NCAM2: variants seen among roughly 807,000 people sequenced by gnomAD.
The protein encoded by NCAM2 is N-CAM-2.
In NCAM2, 30 loss-of-function variants were observed where a neutral mutation model predicts 98.1. The observed-to-expected ratio is 0.31, with a 90% confidence interval of 0.23 to 0.41. The LOEUF is 0.41. Ranked by LOEUF, NCAM2 falls within the 10% of genes least tolerant of loss-of-function variation. The pLI is 1.00. For missense variants in NCAM2, 867 were observed against 1,005.8 expected, an observed-to-expected ratio of 0.86 and a Z score of 1.87; for synonymous variants, 368 against 342.4, an observed-to-expected ratio of 1.07 and a Z score of -0.83.
At position 21,542,148 on chromosome 21, in the gene NCAM2, A is replaced by G. The variant is rs1488215011; in HGVS notation, c.*4191A>G. 1 of 151,868 alleles carries G rather than the reference A, an allele frequency of 6.6e-6. No homozygotes were observed. Among genetic ancestry groups the G allele is most frequent in the East Asian group, 1.9e-4 (1 of 5,186 alleles). The allele number at this position is 151,868 out of a possible 1,614,324, so 9.4% of individuals were successfully genotyped here. ...TAAGATGAAACAATTTTATGTCCAA[A>G]TGAGAAATTTATAAAAAGACCCACA... On this transcript the variant is annotated 3_prime_UTR_variant, in exon 18 of 18. Transcript: ENST00000400546.
intron 1 of NCAM2, among the ~76,000 whole-genome samples, chr21:21,091,153 A>T (rs1486966768): frequency 6.6e-6 from 1 of 152,154 alleles, no homozygotes; most frequent in East Asian, 1.9e-4. Flanking sequence ...TGCATGAATG[A>T]ATGATATCCA....
chr21:21,297,720 C>A (rs1032212759), intron 5 of NCAM2, among the ~76,000 whole-genome samples: 1 of 124,426 alleles, frequency 8.0e-6, no homozygotes, highest in East Asian at 2.1e-4. Flanking sequence ...TTAAATAATA[C>A]ACACTGTACT....
intron 1 of NCAM2, among the ~76,000 whole-genome samples, chr21:21,121,014 C>A (rs2066663644): frequency 6.6e-6 from 1 of 152,098 alleles, no homozygotes; most frequent in Admixed American, 6.5e-5. Flanking sequence ...CCGCGCCCGG[C>A]CATGGATGTT....
chr21:21,260,790 T>C (rs2071866687), intron 1 of NCAM2, among the ~76,000 whole-genome samples: 1 of 152,056 alleles, frequency 6.6e-6, no homozygotes, highest in South Asian at 2.1e-4. Flanking sequence ...GTAAATCCAT[T>C]ACATGACTGA....
intron 1 of NCAM2, among the ~76,000 whole-genome samples, chr21:21,121,513 T>TTTAA (rs2066674165): frequency 6.6e-6 from 1 of 152,190 alleles, no homozygotes; most frequent in Non-Finnish European, 1.5e-5. Context: ...TGAATTGGGC[T>TTTAA]CTAATTATGA....
chr21:21,540,925 A>G lies in NCAM2; in HGVS notation c.*2968A>G, dbSNP rs1416555922. 6.6e-6 allele frequency: 1 copy of G among 151,880 alleles called. No homozygotes were observed. The highest frequency in any genetic ancestry group is 2.4e-5 in the African/African-American group (1 of 41,432). 9.4% of individuals were successfully genotyped at this position (151,880 alleles called of 1,614,324 possible). A position where few individuals can be genotyped will look rare whatever the true frequency, so the allele number is the denominator to read the frequency against. ...AGGAATTTAAGAATTGTATTTTTAA[A>G]GATTTATTTATTATTTTTGTGGGCT... On this transcript the variant is annotated 3_prime_UTR_variant, in exon 18 of 18. Coordinates refer to ENST00000400546, the MANE Select transcript of NCAM2 (RefSeq NM_004540.5).
intron 15 of NCAM2, among the ~76,000 whole-genome samples, chr21:21,482,230 GC>G (rs757283001): frequency 6.6e-6 from 1 of 152,080 alleles, no homozygotes; most frequent in Non-Finnish European, 1.5e-5. Context: ...GTTTTGTGAG[GC>G]AATTTTAAAG....
intron 1 of NCAM2, among the ~76,000 whole-genome samples, chr21:21,008,923 A>G (rs2064156995): frequency 6.6e-6 from 1 of 152,156 alleles, no homozygotes; most frequent in South Asian, 2.1e-4. Flanking sequence ...TGTATCAGTC[A>G]TTGTTAAAGG....
At chr21:21,400,386 GTC>G (rs2145869144) in intron 9 of NCAM2, among the ~76,000 whole-genome samples, 1 of 152,162 alleles carries the variant, frequency 6.6e-6, no homozygotes, top group South Asian at 2.1e-4. Flanking sequence ...TGTTTTTAAT[GTC>G]TGTAGACACA....
At chr21:21,379,656 A>G (rs1025741525) in intron 9 of NCAM2, among the ~76,000 whole-genome samples, 1 of 152,012 alleles carries the variant, frequency 6.6e-6, no homozygotes, top group African/African-American at 2.4e-5. Flanking sequence ...GATTTTATTT[A>G]TATCCCACCA....
intron 15 of NCAM2, among the ~76,000 whole-genome samples, chr21:21,496,164 CTGTTT>C (rs1038546654): frequency 5.9e-5 from 9 of 151,634 alleles, no homozygotes; most frequent in Admixed American, 1.3e-4. Flanking sequence ...AATGGTAGTT[CTGTTT>C]TAAGTTATTT....
chr21:21,270,017 G>A (rs1020880211), intron 1 of NCAM2, among the ~76,000 whole-genome samples: 9 of 152,006 alleles, frequency 5.9e-5, no homozygotes, highest in Non-Finnish European at 8.8e-5. Context: ...CCCACATTGG[G>A]GAAGACAAAG....
intron 12 of NCAM2, among the ~76,000 whole-genome samples, chr21:21,434,932 T>C (rs781127881): frequency 1.3e-5 from 2 of 152,192 alleles, no homozygotes; most frequent in Non-Finnish European, 2.9e-5. Flanking sequence ...CGCTGTCACC[T>C]GCCCTCTGTG....
intron 8 of NCAM2, among the ~76,000 whole-genome samples, chr21:21,340,250 C>A (rs1304076898): frequency 6.6e-6 from 1 of 151,758 alleles, no homozygotes; most frequent in Non-Finnish European, 1.5e-5. Flanking sequence ...CAGCTTACTG[C>A]AAAATTCTTA....
chr21:21,260,110 G>C (rs188047434), intron 1 of NCAM2, among the ~76,000 whole-genome samples: 3 of 151,712 alleles, frequency 2.0e-5, no homozygotes, highest in African/African-American at 7.2e-5. Context: ...TTTAGAGATT[G>C]AAGAGCAATT....
chr21:21,244,844 T>TAAA (rs11410837), intron 1 of NCAM2, among the ~76,000 whole-genome samples: 15 of 99,922 alleles, frequency 1.5e-4, no homozygotes, highest in African/African-American at 4.4e-4. Flanking sequence ...AGACTCTGTC[T>TAAA]AAAAAAAAAA....
At chr21:21,147,242 C>A (rs2067306244) in intron 1 of NCAM2, 2 of 985,140 alleles carry the variant, frequency 2.0e-6, no homozygotes, top group Non-Finnish European at 2.4e-6. Context: ...CCCGGCATTT[C>A]AACAAAAATG....
Position 21,292,240 on chromosome 21 carries a change from T to C in NCAM2, c.618T>C (p.Asn206=), listed in dbSNP as rs2073324424. The change falls in exon 5 of 18, where the codon AAT becomes AAC. Residue 206 remains asparagine (N), a splice_region_variant and synonymous_variant. Transcript: ENST00000400546. ...IDFRDIIVIV[N]VPPAISMPQK... is the part of the protein sequence containing the mutation. ...TCCGTGATATCATTGTTATTGTTAATGGTAAGCAGTAAATAATTTGTACAT... is the reference window on the plus strand; with the variant it reads ...TCCGTGATATCATTGTTATTGTTAACGGTAAGCAGTAAATAATTTGTACAT... 6.2e-7 allele frequency: 1 copy of C among 1,603,468 alleles called. No individual in the cohort carries two copies. The highest frequency in any genetic ancestry group is 1.1e-5 in the South Asian group (1 of 89,016).
chr21:21,293,950 GTTA>G (rs2073385863), intron 5 of NCAM2, among the ~76,000 whole-genome samples: 1 of 151,158 alleles, frequency 6.6e-6, no homozygotes, highest in Non-Finnish European at 1.5e-5. Context: ...TCCTATTATT[GTTA>G]TTATATATAC....
Sources: allele counts gnomAD v4.1 joint callset (sites outside exome capture counted in the v4.1 genomes callset), GRCh38; gene constraint gnomAD v4.1.1; transcripts MANE v1.5; gene names NCBI Gene and HGNC (gene_info 2026-07-23, HGNC 2026-07-21).